Variants in PPP6R2 observed in about 807,000 individuals in gnomAD.
PPP6R2 encodes the protein protein phosphatase 6 regulatory subunit 2.
PPP6R2 carries 62 observed loss-of-function variants against 100.2 expected under a neutral mutation model. That is an observed-to-expected ratio of 0.62 (90% CI 0.50 to 0.76). The LOEUF is 0.76. Ranked by LOEUF, PPP6R2 falls within the 30% of genes least tolerant of loss-of-function variation. The pLI, the probability that PPP6R2 is intolerant of heterozygous loss-of-function variation, is 0.00. For missense variants in PPP6R2, 1,142 were observed against 1,276.3 expected, an observed-to-expected ratio of 0.89 and a Z score of 1.60; for synonymous variants, 525 against 514.7, an observed-to-expected ratio of 1.02 and a Z score of -0.27.
intron 3 of PPP6R2, among the ~76,000 whole-genome samples, chr22:50,398,162 A>ATCTC (rs1306859518): frequency 6.8e-6 from 1 of 147,604 alleles, no homozygotes; most frequent in Non-Finnish European, 1.5e-5. Context: ...GCGAGACTCC[A>ATCTC]TCTCTTTTTT....
chr22:50,363,491 G>A (rs562096719), intron 1 of PPP6R2, among the ~76,000 whole-genome samples: 1 of 152,290 alleles, frequency 6.6e-6, no homozygotes, highest in South Asian at 2.1e-4. Flanking sequence ...CTAGGCCTGA[G>A]TGCTTCCAAT....
chr22:50,351,495 G>A (rs1468817745), intron 1 of PPP6R2, among the ~76,000 whole-genome samples: 2 of 151,308 alleles, frequency 1.3e-5, no homozygotes, highest in Non-Finnish European at 2.9e-5. Flanking sequence ...ATCCTAGATG[G>A]CACCTTCTTC....
chr22:50,435,418 G>A (rs1291616817), intron 13 of PPP6R2, among the ~76,000 whole-genome samples: 1 of 152,234 alleles, frequency 6.6e-6, no homozygotes, highest in Admixed American at 6.5e-5. Context: ...AGGGAGCCCT[G>A]CCTGGCTAGG....
At chr22:50,390,993 C>T (rs547956506) in intron 2 of PPP6R2, among the ~76,000 whole-genome samples, 326 of 147,396 alleles carry the variant, frequency 2.2e-3, no homozygotes, top group Non-Finnish European at 3.9e-3. Context: ...AGCAAAACTC[C>T]GTCTCAAAAA....
At chr22:50,408,037 C>A (rs1378420839) in intron 4 of PPP6R2, among the ~76,000 whole-genome samples, 1 of 152,158 alleles carries the variant, frequency 6.6e-6, no homozygotes, top group Non-Finnish European at 1.5e-5. Flanking sequence ...GCACATAACA[C>A]CACACCTGGC....
chr22:50,340,069 ATG>A (rs989781290), upstream of PPP6R2, among the ~76,000 whole-genome samples: 3 of 49,516 alleles, frequency 6.1e-5, no homozygotes, highest in Non-Finnish European at 1.2e-4. Context: ...GTGGTGTGTG[ATG>A]TGTGTGTGGT....
chr22:50,353,816 C>T (rs1476210235), intron 1 of PPP6R2, among the ~76,000 whole-genome samples: 1 of 135,164 alleles, frequency 7.4e-6, no homozygotes, highest in African/African-American at 3.5e-5. Flanking sequence ...AAAGCCTCTC[C>T]CTTTTTTTTT....
At chr22:50,426,735 G>A (rs867241949) in intron 10 of PPP6R2, among the ~76,000 whole-genome samples, 1 of 151,236 alleles carries the variant, frequency 6.6e-6, no homozygotes, top group Non-Finnish European at 1.5e-5. Context: ...TTGGGAGGCT[G>A]AGGCAGGAGA....
In PPP6R2 at chr22:50,431,277, C is replaced by A; in HGVS notation, c.1230C>A (p.Ala410=). Reference sequence around the variant, plus strand: ...CTGCCCGTGAGGAGAGGACAGAAGCCAGCGGATCCGAGAGCAGGGTGGAGC... The same window carrying A: ...CTGCCCGTGAGGAGAGGACAGAAGCAAGCGGATCCGAGAGCAGGGTGGAGC... The part of the protein sequence containing the change: ...SHAAREERTE[A]SGSESRVEPP... Residue 410 remains alanine, a synonymous_variant, in exon 11 of 24, where the codon GCC becomes GCA. Transcript: ENST00000612753. This position sits in a 1 kb window ranked among gnomAD's most constrained non-coding sequence, Gnocchi z 4.8. 2 of 1,613,660 alleles carry A rather than the reference C, an allele frequency of 1.2e-6. No individual in the cohort carries two copies. Among genetic ancestry groups the A allele is most frequent in the Non-Finnish European group, 1.7e-6 (2 of 1,180,034 alleles).
intron 18 of PPP6R2, 148 bp downstream of exon 18, chr22:50,438,446 T>TA (rs2064866262): frequency 1.4e-6 from 2 of 1,446,440 alleles, no homozygotes. Context: ...CGGGTGACCC[T>TA]AAGGAGCCCA....
upstream of PPP6R2, among the ~76,000 whole-genome samples, chr22:50,341,123 G>A (rs1202654653): frequency 6.6e-6 from 1 of 152,012 alleles, no homozygotes; most frequent in Non-Finnish European, 1.5e-5. Flanking sequence ...TGTTGGCCAG[G>A]CTGGTCTCGA....
At chr22:50,410,120 G>A (rs1340087475) in intron 4 of PPP6R2, among the ~76,000 whole-genome samples, 1 of 151,658 alleles carries the variant, frequency 6.6e-6, no homozygotes, top group African/African-American at 2.4e-5. Flanking sequence ...ATTTTAGAAT[G>A]AGTTTGTCAC....
At chr22:50,404,614 T>C (rs1002709475) in intron 3 of PPP6R2, among the ~76,000 whole-genome samples, 2 of 150,364 alleles carry the variant, frequency 1.3e-5, no homozygotes, top group African/African-American at 4.9e-5. Context: ...TTTTTTTTTT[T>C]TTTGGAGAGA....
the PPP6R2 span, among the ~76,000 whole-genome samples, chr22:50,334,315 C>T: frequency 1.3e-5 from 2 of 152,252 alleles, no homozygotes; most frequent in Admixed American, 6.5e-5. Context: ...AGGCCCTGTC[C>T]GGGCGTGACA....
chr22:50,431,369 C>A lies in PPP6R2; in HGVS notation c.1322C>A (p.Thr441Lys), dbSNP rs754510400. 1 of 1,612,398 alleles carries A rather than the reference C, an allele frequency of 6.2e-7. No individual in the cohort carries two copies. Among genetic ancestry groups the A allele is most frequent in the Admixed American group, 1.7e-5 (1 of 60,002 alleles). ...CCGGCCGCCAGCCTCCCTGACAACA[C>A]AATGGTGACCCACGTGAGTCCAAGA... ...PQPAASLPDN[T>K]MVTHLFQKCC... The change falls in exon 11 of 24, where the codon ACA becomes AAA. Residue 441 changes from threonine to lysine, a missense_variant. Thr to Lys is a moderately conservative substitution (Grantham distance 78). Transcript: ENST00000612753. The surrounding 1 kb of genome is among the most constrained non-coding windows in gnomAD (Gnocchi z 4.8).
chr22:50,443,740 T>A (rs1204138573), intron 22 of PPP6R2, 126 bp from the exon 23 acceptor site: 2 of 1,338,904 alleles, frequency 1.5e-6, no homozygotes, highest in East Asian at 2.6e-5. Flanking sequence ...AGGGCAGGAG[T>A]GAGAGGGGCC....
At chr22:50,343,720 CA>C (rs2042736921) in intron 1 of PPP6R2, among the ~76,000 whole-genome samples, 170 bp downstream of exon 1, 1 of 98,418 alleles carries the variant, frequency 1.0e-5, no homozygotes, top group Non-Finnish European at 2.1e-5. Flanking sequence ...GTGCCCCCCC[CA>C]AGTCAGTCAG....
intron 3 of PPP6R2, among the ~76,000 whole-genome samples, chr22:50,394,600 TAAAA>T (rs67708136): frequency 1.2e-5 from 1 of 80,560 alleles, no homozygotes; most frequent in Non-Finnish European, 2.3e-5. Flanking sequence ...ACCCTGTCTT[TAAAA>T]AAAAAAAAAA....
intron 2 of PPP6R2, among the ~76,000 whole-genome samples, chr22:50,382,519 CA>C (rs147082481): frequency 0.27 from 34,270 of 126,446 alleles, 4,348 homozygotes; most frequent in South Asian, 0.43. Context: ...AATCCGTCTC[CA>C]AAAAAAAAAA....
Sources: gnomAD v4.1 joint callset for allele counts (sites outside exome capture counted in the v4.1 genomes callset) on GRCh38, gnomAD v4.1.1 for gene constraint, Gnocchi (gnomAD v3.1) non-coding constraint, MANE v1.5 for transcripts, NCBI Gene and HGNC (gene_info 2026-07-23, HGNC 2026-07-21) for gene names.